Variants in CDH12 observed in about 807,000 individuals in gnomAD.
The protein encoded by CDH12 is cadherin-12.
A neutral mutation model predicts 74.1 loss-of-function variants in CDH12; 41 were observed. That is an observed-to-expected ratio of 0.55 (90% CI 0.43 to 0.72). The LOEUF (loss-of-function observed/expected upper bound fraction) is 0.72, where lower values mean the gene tolerates loss of function less well. Ranked by LOEUF, CDH12 falls within the 30% of genes least tolerant of loss-of-function variation. The pLI, the probability that CDH12 is intolerant of heterozygous loss-of-function variation, is 0.00. For missense variants in CDH12, 945 were observed against 977.2 expected (o/e 0.97, Z 0.44); for synonymous variants, 399 against 355.0 (o/e 1.12, Z -1.39).
chr5:22,607,547 A>C (rs2126821446), intron 1 of CDH12, among the ~76,000 whole-genome samples: 1 of 152,322 alleles, frequency 6.6e-6, no homozygotes, highest in East Asian at 1.9e-4. Flanking sequence ...CGAGACTAGC[A>C]TGGAAACGAA....
chr5:22,790,708 C>A (rs1747864134), intron 1 of CDH12, among the ~76,000 whole-genome samples: 1 of 152,028 alleles, frequency 6.6e-6, no homozygotes, highest in African/African-American at 2.4e-5. Flanking sequence ...AAGACCAAAG[C>A]AAATGTACCC....
intron 3 of CDH12, among the ~76,000 whole-genome samples, chr5:22,384,179 T>C (rs970767902): frequency 6.6e-6 from 1 of 152,174 alleles, no homozygotes; most frequent in African/African-American, 2.4e-5. Flanking sequence ...ACTATATGCA[T>C]ACTGTAGTGC....
At chr5:22,005,234 G>A (rs942532045) in intron 5 of CDH12, among the ~76,000 whole-genome samples, 1 of 152,082 alleles carries the variant, frequency 6.6e-6, no homozygotes, top group African/African-American at 2.4e-5. Context: ...GTAGAGTCAA[G>A]GTTTCGCCAT....
In CDH12 at chr5:22,094,722, G is replaced by T. The variant is rs1405269432; in HGVS notation, c.-186-15860C>A. ...GGAACTGTCAGGCCTCTGAGCCCAA[G>T]CTAAGCCATCATATCCCCTGTGACC... On this transcript the variant is annotated intron_variant, in intron 4 of 14. Coordinates refer to ENST00000382254, the MANE Select transcript of CDH12 (RefSeq NM_004061.5). 2.0e-5 allele frequency among the ~76,000 whole-genome samples: 3 copies of T among 152,256 alleles called. No homozygotes were observed. In the East Asian group the frequency reaches 5.8e-4, roughly 30 times the overall value.
intron 9 of CDH12, among the ~76,000 whole-genome samples, chr5:21,809,242 A>C (rs1209932390): frequency 6.6e-6 from 1 of 152,078 alleles, no homozygotes; most frequent in Non-Finnish European, 1.5e-5. Flanking sequence ...TTTTGGAATA[A>C]ATTTAGTAAC....
chr5:22,545,418 T>C (rs1252374769), intron 1 of CDH12, among the ~76,000 whole-genome samples: 5 of 152,182 alleles, frequency 3.3e-5, no homozygotes, highest in Non-Finnish European at 7.3e-5. Flanking sequence ...CAAAATTTAA[T>C]ATAGCAACAA....
chr5:21,888,075 G>C (rs892397573), intron 6 of CDH12, among the ~76,000 whole-genome samples: 4 of 152,076 alleles, frequency 2.6e-5, no homozygotes, highest in African/African-American at 9.7e-5. Context: ...GGTCTGAAAA[G>C]ACTGCTACAT....
intron 1 of CDH12, among the ~76,000 whole-genome samples, chr5:22,814,187 AT>A (rs1749282008): frequency 6.6e-6 from 1 of 152,202 alleles, no homozygotes; most frequent in African/African-American, 2.4e-5. Context: ...TACATTAAAT[AT>A]TATAAATGCT....
At chr5:22,785,924 A>C (rs898146094) in intron 1 of CDH12, among the ~76,000 whole-genome samples, 4 of 152,160 alleles carry the variant, frequency 2.6e-5, no homozygotes, top group Non-Finnish European at 5.9e-5. Flanking sequence ...CAAAGATCTA[A>C]AGACAGAAAT....
chr5:22,593,107 G>A (rs996992302), intron 1 of CDH12, among the ~76,000 whole-genome samples: 3 of 151,092 alleles, frequency 2.0e-5, no homozygotes, highest in Admixed American at 6.6e-5. Context: ...CAGCGATCTT[G>A]TACTAACCCT....
intron 2 of CDH12, among the ~76,000 whole-genome samples, chr5:22,464,835 C>T (rs991305496): frequency 6.6e-6 from 1 of 152,024 alleles, no homozygotes; most frequent in Non-Finnish European, 1.5e-5. Context: ...AACCCCACCT[C>T]TACTAAAAAT....
intron 1 of CDH12, among the ~76,000 whole-genome samples, chr5:22,535,793 T>A (rs1033053378): frequency 6.6e-6 from 1 of 152,184 alleles, no homozygotes; most frequent in Admixed American, 6.5e-5. Context: ...GTAACAACAG[T>A]AACTATGGGG....
intron 2 of CDH12, among the ~76,000 whole-genome samples, chr5:22,437,060 A>C (rs1315692840): frequency 6.6e-6 from 1 of 152,114 alleles, no homozygotes; most frequent in Non-Finnish European, 1.5e-5. Context: ...ATAAGATTTA[A>C]CTTTTTTCTT....
intron 5 of CDH12, among the ~76,000 whole-genome samples, chr5:22,056,881 C>T (rs549403803): frequency 6.6e-6 from 1 of 152,058 alleles, no homozygotes; most frequent in African/African-American, 2.4e-5. Context: ...GGAAAAGAGC[C>T]GACAATTCTT....
intron 3 of CDH12, among the ~76,000 whole-genome samples, chr5:22,245,321 C>A (rs1752908533): frequency 6.6e-6 from 1 of 151,888 alleles, no homozygotes; most frequent in Non-Finnish European, 1.5e-5. Context: ...GCAGCATCAA[C>A]CTGCAGGTGT....
intron 3 of CDH12, among the ~76,000 whole-genome samples, chr5:22,223,790 G>A (rs1292596099): frequency 1.1e-4 from 17 of 151,916 alleles, no homozygotes; most frequent in Admixed American, 1.1e-3. Flanking sequence ...AAGCTGGGCC[G>A]CGAGACAGTA....
intron 3 of CDH12, among the ~76,000 whole-genome samples, chr5:22,257,667 T>A (rs1291097495): frequency 2.0e-5 from 3 of 151,842 alleles, no homozygotes; most frequent in Non-Finnish European, 2.9e-5. Flanking sequence ...GCCTGGCTAA[T>A]TTTTTGTATT....
At chr5:22,823,041 T>C (rs1749793628) in intron 1 of CDH12, among the ~76,000 whole-genome samples, 1 of 152,114 alleles carries the variant, frequency 6.6e-6, no homozygotes, top group Admixed American at 6.6e-5. Context: ...CACAATGGAA[T>C]ACTATGCAGC....
intron 3 of CDH12, among the ~76,000 whole-genome samples, chr5:22,222,417 C>A (rs1040061203): frequency 6.6e-6 from 1 of 151,926 alleles, no homozygotes. Context: ...GCAGAAAACA[C>A]TAGTCAGTTT....
Sources: gnomAD v4.1 joint callset for allele counts (sites outside exome capture counted in the v4.1 genomes callset) on GRCh38, gnomAD v4.1.1 for gene constraint, MANE v1.5 for transcripts, NCBI Gene and HGNC (gene_info 2026-07-23, HGNC 2026-07-21) for gene names.